NARS2: variants seen among roughly 807,000 people sequenced by gnomAD.
The protein encoded by NARS2 is asparaginyl-tRNA synthetase 2, mitochondrial, also known as asparaginyl-tRNA synthetase.
Under a neutral mutation model 62.9 loss-of-function variants are expected in NARS2, and 60 were observed. That is an observed-to-expected ratio of 0.95 (90% CI 0.77 to 1.18). The LOEUF (loss-of-function observed/expected upper bound fraction) is 1.18, where lower values mean the gene tolerates loss of function less well. Ranked by LOEUF, NARS2 falls within the 50% of genes most tolerant of loss-of-function variation. NARS2 has a pLI of 0.00. For synonymous variants in NARS2, 196 were observed against 200.0 expected (o/e 0.98, Z 0.17); for missense variants, 619 against 576.4 (o/e 1.07, Z -0.76).
At chr11:78,563,711 G>A (rs1237658167) in intron 4 of NARS2, among the ~76,000 whole-genome samples, 1 of 145,854 alleles carries the variant, frequency 6.9e-6, no homozygotes, top group Non-Finnish European at 1.5e-5. Flanking sequence ...CGCACCTGTA[G>A]TCCTAGCTAC....
At chr11:78,539,238 G>C (rs953556639) in intron 5 of NARS2, among the ~76,000 whole-genome samples, 11 of 151,854 alleles carry the variant, frequency 7.2e-5, no homozygotes, top group Admixed American at 6.6e-5. Context: ...CAGAAGACAA[G>C]AAGAGTAGCT....
intron 7 of NARS2, among the ~76,000 whole-genome samples, chr11:78,485,942 T>G (rs1591189937): frequency 6.6e-6 from 1 of 152,164 alleles, no homozygotes; most frequent in African/African-American, 2.4e-5. Flanking sequence ...TGGCACGATC[T>G]CGGCTCACTG....
rs1390275352 is a variant in NARS2, at chr11:78,463,686, C to CA, written c.1164+2189dup. 3.2e-3 allele frequency among the ~76,000 whole-genome samples: 33 copies of CA among 10,406 alleles called. No homozygotes were observed. In the South Asian group the frequency reaches 0.045, roughly 14 times the overall value. The allele number at this position is 10,406 out of a possible 152,430, so 6.8% of individuals were successfully genotyped here. A position where few individuals can be genotyped will look rare whatever the true frequency, so the allele number is the denominator to read the frequency against. Reference sequence around the variant, plus strand: ...GGGTGACAAGAGTGAAATTCTATCTCAAAAAAAAGACAACTATAGTTAAGG... The same window carrying CA: ...GGGTGACAAGAGTGAAATTCTATCTCAAAAAAAAAGACAACTATAGTTAAGG... On this transcript the variant is annotated intron_variant, in intron 11 of 13. Coordinates refer to ENST00000281038, the MANE Select transcript of NARS2 (RefSeq NM_024678.6).
intron 5 of NARS2, among the ~76,000 whole-genome samples, chr11:78,553,208 T>A (rs1565279161): frequency 6.6e-6 from 1 of 152,154 alleles, no homozygotes; most frequent in Non-Finnish European, 1.5e-5. Context: ...TAATGATCAG[T>A]GATATTGAGC....
intron 11 of NARS2, among the ~76,000 whole-genome samples, chr11:78,463,549 G>A (rs1471272329): frequency 1.8e-4 from 27 of 152,054 alleles, no homozygotes; most frequent in East Asian, 5.8e-4. Context: ...TGATGGGTGT[G>A]GCGGCACACG....
chr11:78,509,597 T>A (rs553331627), intron 6 of NARS2, among the ~76,000 whole-genome samples: 2 of 152,268 alleles, frequency 1.3e-5, no homozygotes, highest in East Asian at 3.9e-4. Flanking sequence ...ACATTCTGTT[T>A]TCTACAGCTT....
intron 9 of NARS2, among the ~76,000 whole-genome samples, chr11:78,477,226 T>C (rs1859137829): frequency 1.3e-5 from 2 of 152,266 alleles, no homozygotes; most frequent in South Asian, 2.1e-4. Context: ...CTTTTATCAA[T>C]ATACTCATGC....
chr11:78,571,642 T>C, intron 1 of NARS2, 198 bp from the exon 2 acceptor site: 1 of 472,658 alleles, frequency 2.1e-6, no homozygotes, highest in Non-Finnish European at 3.8e-6. Flanking sequence ...TATTCTATCT[T>C]TTGTTTTCGT....
At chr11:78,489,973 T>A (rs142544110) in intron 7 of NARS2, among the ~76,000 whole-genome samples, 1 of 152,064 alleles carries the variant, frequency 6.6e-6, no homozygotes, top group African/African-American at 2.4e-5. Context: ...CAGGAGTTCA[T>A]GGCTGAAGTG....
chr11:78,529,098 C>T (rs1861394772), intron 5 of NARS2, among the ~76,000 whole-genome samples, 162 bp from the exon 6 acceptor site: 1 of 152,176 alleles, frequency 6.6e-6, no homozygotes, highest in Non-Finnish European at 1.5e-5. Flanking sequence ...AGACAAAACG[C>T]CAGCTTGGAA....
chr11:78,518,299 G>C (rs1016431535), intron 6 of NARS2, among the ~76,000 whole-genome samples: 1 of 152,112 alleles, frequency 6.6e-6, no homozygotes, highest in Non-Finnish European at 1.5e-5. Flanking sequence ...AGGGATCCTG[G>C]AACCAGTCCC....
intron 5 of NARS2, among the ~76,000 whole-genome samples, chr11:78,531,720 TGTAC>T (rs1861487487): frequency 6.6e-6 from 1 of 152,236 alleles, no homozygotes; most frequent in African/African-American, 2.4e-5. Context: ...TGTTTTAGCA[TGTAC>T]TTATGTATGT....
Position 78,494,906 on chromosome 11 carries a change from TCCCACATTC to T in NARS2, c.690-1720_690-1712del, listed in dbSNP as rs375470920. 2.9e-4 allele frequency among the ~76,000 whole-genome samples: 44 copies of T among 152,248 alleles called. No individual in the cohort carries two copies. In the South Asian group the frequency reaches 5.8e-3, roughly 20 times the overall value. ...AATCCACCAACTCAACCAAGACAGA[TCCCACATTC>T]CCCAGCTTATTACATGGCCCTTATC... On this transcript the variant is annotated intron_variant, in intron 6 of 13. Coordinates refer to ENST00000281038, the MANE Select transcript of NARS2 (RefSeq NM_024678.6).
intron 3 of NARS2, 81 bp downstream of exon 3, chr11:78,568,551 C>T: frequency 6.9e-7 from 1 of 1,443,416 alleles, no homozygotes; most frequent in Admixed American, 2.2e-5. Flanking sequence ...TAAGTTTCAT[C>T]TTCCTAATAA....
chr11:78,572,178 T>A (rs867373851), intron 1 of NARS2, among the ~76,000 whole-genome samples: 1 of 152,094 alleles, frequency 6.6e-6, no homozygotes, highest in African/African-American at 2.4e-5. Context: ...CAAGACTCCA[T>A]CTCAAAAAAA....
intron 7 of NARS2, among the ~76,000 whole-genome samples, chr11:78,492,259 G>T (rs1300096666): frequency 1.3e-5 from 2 of 152,206 alleles, no homozygotes; most frequent in African/African-American, 4.8e-5. Context: ...GTCTAAGTTG[G>T]TCACATAGCA....
Position 78,475,580 on chromosome 11 carries a change from CTTTTTTTTT to C in NARS2, c.959+2849_959+2857del, listed in dbSNP as rs377023107. Among the ~76,000 whole-genome samples the C allele has an allele frequency of 1.4e-4, 13 of 93,986 alleles. No homozygotes were observed. The East Asian group carries it at 2.1e-3, about 15-fold the overall frequency. The allele number at this position is 93,986 out of a possible 152,430, so 61.7% of individuals were successfully genotyped here. A position where few individuals can be genotyped will look rare whatever the true frequency, so the allele number is the denominator to read the frequency against. On this transcript the variant is annotated intron_variant, in intron 9 of 13. Coordinates refer to ENST00000281038, the MANE Select transcript of NARS2 (RefSeq NM_024678.6). ...TTTGCCAACACCTGTTATCATTTGA[CTTTTTTTTT>C]TTTTTTTTTTTTTTTTTTTTTGAGA...
intron 7 of NARS2, among the ~76,000 whole-genome samples, chr11:78,480,989 T>C (rs987429541): frequency 2.0e-5 from 3 of 151,958 alleles, no homozygotes; most frequent in Non-Finnish European, 4.4e-5. Context: ...CAGGTAATGT[T>C]TGTAATTTTT....
rs1293152773 is a variant in NARS2 at position 78,503,002 on chromosome 11, A to AG, written c.690-9808_690-9807insC. 4.6e-5 allele frequency among the ~76,000 whole-genome samples: 7 copies of AG among 151,316 alleles called. No individual in the cohort carries two copies. The East Asian group carries it at 1.2e-3, about 25-fold the overall frequency. On this transcript the variant is annotated intron_variant, in intron 6 of 13. Coordinates refer to ENST00000281038, the MANE Select transcript of NARS2 (RefSeq NM_024678.6). ...GAGTGAGACTGTCTCAAAAAAAAAAAAAAAAAAAGGTTGAATGACGAGATT... is the reference window on the plus strand; with the variant it reads ...GAGTGAGACTGTCTCAAAAAAAAAAAGAAAAAAAAGGTTGAATGACGAGATT...
Sources: allele counts gnomAD v4.1 joint callset (sites outside exome capture counted in the v4.1 genomes callset), GRCh38; gene constraint gnomAD v4.1.1; transcripts MANE v1.5; gene names NCBI Gene and HGNC (gene_info 2026-07-23, HGNC 2026-07-21).